The following ZNF714 variants were observed in gnomAD, a reference collection of about 807,000 sequenced individuals.
ZNF714 encodes zinc finger protein 714.
A neutral mutation model predicts 46.2 loss-of-function variants in ZNF714; 32 were observed. That is an observed-to-expected ratio of 0.69 (90% confidence interval 0.52 to 0.93). The LOEUF (loss-of-function observed/expected upper bound fraction) is 0.93, where lower values mean the gene tolerates loss of function less well. ZNF714 is among the 40% of genes least tolerant of loss of function. The pLI, the probability that ZNF714 is intolerant of heterozygous loss-of-function variation, is 0.00. For synonymous variants in ZNF714, 199 were observed against 213.1 expected (o/e 0.93, Z 0.58); for missense variants, 635 against 646.3 (o/e 0.98, Z 0.19).
chr19:21,095,950 C>T (rs1969027752), intron 2 of ZNF714, among the ~76,000 whole-genome samples: 1 of 152,106 alleles, frequency 6.6e-6, no homozygotes, highest in Non-Finnish European at 1.5e-5. Flanking sequence ...AGTGAAACTC[C>T]AGGGCCTCAT....
chr19:21,107,728 G>A lies in ZNF714; in HGVS notation c.142+8818G>A, dbSNP rs1969356973. ...TTTAGAGACAGGGTTTTCTTACGTT[G>A]TCCATGCTAGTTTTGAACCTCTGAG... On this transcript the variant is annotated intron_variant, in intron 4 of 4. Coordinates refer to ENST00000456283, the MANE Select transcript of ZNF714 (RefSeq NM_182515.4). Among the ~76,000 whole-genome samples the A allele has an allele frequency of 3.3e-5, 5 of 152,022 alleles. No homozygotes were observed. The South Asian group carries it at 1.0e-3, about 32-fold the overall frequency.
At chr19:21,096,719 T>G (rs1488547377) in intron 2 of ZNF714, among the ~76,000 whole-genome samples, 1 of 152,162 alleles carries the variant, frequency 6.6e-6, no homozygotes, top group Non-Finnish European at 1.5e-5. Flanking sequence ...ATGTGGATAC[T>G]CAAGATTCCT....
chr19:21,120,296 T>TA lies in ZNF714; in HGVS notation c.*1964_*1965insA. ...ACCTTGTGATCCACCCACCTTGGCC[T>TA]CCAAAGGTGCTGGGATTACACAGGC... On this transcript the variant is annotated 3_prime_UTR_variant, in exon 5 of 5. Transcript: ENST00000456283. 1 of 152,284 alleles carries TA rather than the reference T, an allele frequency of 6.6e-6. No individual in the cohort carries two copies. The highest frequency in any genetic ancestry group is 1.5e-5 in the Non-Finnish European group (1 of 68,024). 9.4% of individuals were successfully genotyped at this position (152,284 alleles called of 1,614,324 possible).
chr19:21,101,341 C>T (rs1053007587), intron 4 of ZNF714, among the ~76,000 whole-genome samples: 1 of 152,122 alleles, frequency 6.6e-6, no homozygotes, highest in Non-Finnish European at 1.5e-5. Context: ...GGGGTTGTAG[C>T]TTGGTCACAA....
intron 2 of ZNF714, among the ~76,000 whole-genome samples, chr19:21,096,225 C>T (rs891526306): frequency 3.3e-5 from 5 of 152,172 alleles, no homozygotes; most frequent in Admixed American, 3.3e-4. Context: ...TGAATCTCTT[C>T]TGTTATAAAG....
At chr19:21,105,048 G>A (rs1406565844) in intron 4 of ZNF714, among the ~76,000 whole-genome samples, 2 of 115,016 alleles carry the variant, frequency 1.7e-5, no homozygotes, top group Non-Finnish European at 3.4e-5. Context: ...TTTTTGAGAC[G>A]GAGTCTCACT....
Position 21,098,189 on chromosome 19 carries a change from C to T in ZNF714, c.-80C>T, listed in dbSNP as rs774806631. ...CTGTGCGTATGTGTTTTTCAGGAGACGTTGACATTTAGGGATGTGGCCATA... is the reference window on the plus strand; with the variant it reads ...CTGTGCGTATGTGTTTTTCAGGAGATGTTGACATTTAGGGATGTGGCCATA... On this transcript the variant is annotated 5_prime_UTR_variant, in exon 3 of 5. In the 5' UTR this introduces an upstream ATG that the reference lacks. Transcript: ENST00000456283. 92 of 1,608,744 alleles carry T rather than the reference C, an allele frequency of 5.7e-5. No individual in the cohort carries two copies. The highest frequency in any genetic ancestry group is 1.7e-4 in the Middle Eastern group (1 of 6,058).
At chr19:21,105,183 C>T (rs1269829038) in intron 4 of ZNF714, among the ~76,000 whole-genome samples, 1 of 151,906 alleles carries the variant, frequency 6.6e-6, no homozygotes, top group African/African-American at 2.4e-5. Flanking sequence ...TGCCTACCAC[C>T]ATGCCTGGCT....
chr19:21,082,858 A>G (rs1002075651), intron 1 of ZNF714, among the ~76,000 whole-genome samples: 1 of 152,240 alleles, frequency 6.6e-6, no homozygotes, highest in African/African-American at 2.4e-5. Context: ...TTTTATAAAC[A>G]GCATGATGAA....
intron 2 of ZNF714, among the ~76,000 whole-genome samples, chr19:21,096,473 A>T (rs966524806): frequency 5.9e-5 from 9 of 152,164 alleles, no homozygotes; most frequent in African/African-American, 2.2e-4. Context: ...GAGTGCCATG[A>T]GTTTAGTACT....
At chr19:21,108,048 T>G (rs566888326) in intron 4 of ZNF714, among the ~76,000 whole-genome samples, 3 of 152,266 alleles carry the variant, frequency 2.0e-5, no homozygotes, top group Non-Finnish European at 2.9e-5. Context: ...CTCAGCCTCC[T>G]ATGTAGCTGA....
chr19:21,115,006 TA>T (rs1969557356), intron 4 of ZNF714, among the ~76,000 whole-genome samples: 1 of 152,172 alleles, frequency 6.6e-6, no homozygotes, highest in African/African-American at 2.4e-5. Flanking sequence ...CTTATCTTGA[TA>T]TGCTTTTACT....
At chr19:21,090,554 C>T (rs2144827727) in intron 2 of ZNF714, among the ~76,000 whole-genome samples, 1 of 152,222 alleles carries the variant, frequency 6.6e-6, no homozygotes, top group South Asian at 2.1e-4. Flanking sequence ...CAGGTATATG[C>T]ACCCCACTCA....
intron 4 of ZNF714, among the ~76,000 whole-genome samples, chr19:21,114,154 G>A (rs1231011060): frequency 3.3e-5 from 5 of 151,778 alleles, no homozygotes; most frequent in Admixed American, 6.6e-5. Context: ...AACTGTGATT[G>A]CAGGCTGGGC....
rs1026819875 is a variant in ZNF714 at position 21,120,477 on chromosome 19, A to G, written c.*2145A>G. ...GTTAACTTATAATATTGAGTGGTGCATGAGGTTGGTGTTCAGAGTAATATT... is the reference window on the plus strand; with the variant it reads ...GTTAACTTATAATATTGAGTGGTGCGTGAGGTTGGTGTTCAGAGTAATATT... On this transcript the variant is annotated 3_prime_UTR_variant, in exon 5 of 5. Transcript: ENST00000456283. 2.0e-5 allele frequency: 3 copies of G among 152,294 alleles called. No homozygotes were observed. Among genetic ancestry groups the G allele is most frequent in the Admixed American group, 1.3e-4 (2 of 15,272 alleles). 9.4% of individuals were successfully genotyped at this position (152,294 alleles called of 1,614,324 possible).
At position 21,119,246 on chromosome 19, in the gene ZNF714, T is replaced by A. The variant is rs1175339894; in HGVS notation, c.*914T>A. ...GGTGAAACCCCATCTCTACTAAAAA[T>A]ACAACAATTAGCCGGTTGCGGTGGT... On this transcript the variant is annotated 3_prime_UTR_variant, in exon 5 of 5. Transcript: ENST00000456283. 3.0e-6 allele frequency: 1 copy of A among 330,604 alleles called. No individual in the cohort carries two copies. The highest frequency in any genetic ancestry group is 1.1e-4 in the East Asian group (1 of 8,842). 20.5% of individuals were successfully genotyped at this position (330,604 alleles called of 1,614,324 possible). A position where few individuals can be genotyped will look rare whatever the true frequency, so the allele number is the denominator to read the frequency against.
In ZNF714 at chr19:21,121,314, T is replaced by G. The variant is rs2144887213; in HGVS notation, c.*2982T>G. 1 of 152,278 alleles carries G rather than the reference T, an allele frequency of 6.6e-6. No individual in the cohort carries two copies. Among genetic ancestry groups the G allele is most frequent in the East Asian group, 1.9e-4 (1 of 5,180 alleles). The allele number at this position is 152,278 out of a possible 1,614,324, so 9.4% of individuals were successfully genotyped here. On this transcript the variant is annotated 3_prime_UTR_variant, in exon 5 of 5. Coordinates refer to ENST00000456283, the MANE Select transcript of ZNF714 (RefSeq NM_182515.4). The stretch of plus-strand genomic sequence containing the variant: ...ACCTCATGATCTGCCTGCCTTGACC[T>G]CCCAAAGTGCTGGGATTACAGGCAT...
In ZNF714 at chr19:21,121,235, G is replaced by A. The variant is rs1025838653; in HGVS notation, c.*2903G>A. 2.0e-5 allele frequency: 3 copies of A among 152,090 alleles called. No individual in the cohort carries two copies. The highest frequency in any genetic ancestry group is 7.2e-5 in the African/African-American group (3 of 41,384). 9.4% of individuals were successfully genotyped at this position (152,090 alleles called of 1,614,324 possible). ...TTTAGTAGAGATGGGGTTTCACCAT[G>A]TTAGCCAGGATGGTCTCAATCTCCT... On this transcript the variant is annotated 3_prime_UTR_variant, in exon 5 of 5. Coordinates refer to ENST00000456283, the MANE Select transcript of ZNF714 (RefSeq NM_182515.4).
intron 2 of ZNF714, among the ~76,000 whole-genome samples, chr19:21,090,469 CAA>C: frequency 6.6e-6 from 1 of 152,182 alleles, no homozygotes; most frequent in South Asian, 2.1e-4. Context: ...CAGATTAATC[CAA>C]AGAGAATAGC....
Sources: allele counts gnomAD v4.1 joint callset (sites outside exome capture counted in the v4.1 genomes callset), GRCh38; gene constraint gnomAD v4.1.1; transcripts MANE v1.5; gene names NCBI Gene and HGNC (gene_info 2026-07-23, HGNC 2026-07-21).